The following CBFA2T3 variants were observed in gnomAD, a reference collection of about 807,000 sequenced individuals.
The protein encoded by CBFA2T3 is transcriptional corepressor CBFA2T3.
In CBFA2T3, 31 loss-of-function variants were observed where a neutral mutation model predicts 58.6. The ratio of observed to expected loss-of-function variants is 0.53; its 90% CI spans 0.40 to 0.71. CBFA2T3 has a LOEUF of 0.71. CBFA2T3 is among the 30% of genes least tolerant of loss of function. The probability of loss-of-function intolerance (pLI) is 0.00; values close to 1 mark genes in which losing one functional copy is unlikely to be tolerated. For synonymous variants in CBFA2T3, 531 were observed against 421.9 expected (o/e 1.26, Z -3.17); for missense variants, 1,076 against 963.1 (o/e 1.12, Z -1.55).
chr16:88,897,992 GC>G, intron 3 of CBFA2T3, 85 bp downstream of exon 3: 2 of 964,672 alleles, frequency 2.1e-6, no homozygotes, highest in Non-Finnish European at 3.4e-6. Flanking sequence ...AGAGCTGAGC[GC>G]CCCCAGGGCA....
At chr16:88,960,496 G>A (rs1018420612) in intron 1 of CBFA2T3, among the ~76,000 whole-genome samples, 3 of 152,220 alleles carry the variant, frequency 2.0e-5, no homozygotes, top group African/African-American at 7.2e-5. Flanking sequence ...ATTTGTCATG[G>A]GGCATAAACA....
intron 1 of CBFA2T3, among the ~76,000 whole-genome samples, chr16:88,922,590 A>C (rs1400852651): frequency 6.6e-6 from 1 of 152,194 alleles, no homozygotes; most frequent in Non-Finnish European, 1.5e-5. Flanking sequence ...ATCCCACGCC[A>C]GGGCTATGCT....
rs779923080 is a variant in CBFA2T3, at chr16:88,958,634, C to T, written c.151+18023G>A. ...GGGGCAGGTGGAGAAGCACAGTCGCCGCCCAGCAGCCCAGCACTACCTTTG... is the reference window on the plus strand; with the variant it reads ...GGGGCAGGTGGAGAAGCACAGTCGCTGCCCAGCAGCCCAGCACTACCTTTG... On this transcript the variant is annotated intron_variant, in intron 1 of 11. Coordinates refer to ENST00000268679, the MANE Select transcript of CBFA2T3 (RefSeq NM_005187.6). The surrounding 1 kb of genome is among the most constrained non-coding windows in gnomAD (Gnocchi z 4.0). 6.6e-6 allele frequency among the ~76,000 whole-genome samples: 1 copy of T among 152,074 alleles called. No homozygotes were observed. Among genetic ancestry groups the T allele is most frequent in the African/African-American group, 2.4e-5 (1 of 41,414 alleles).
intron 1 of CBFA2T3, among the ~76,000 whole-genome samples, chr16:88,912,891 C>A (rs373683408): frequency 6.6e-6 from 1 of 152,192 alleles, no homozygotes; most frequent in African/African-American, 2.4e-5. Flanking sequence ...ACACACCTCC[C>A]GGGGGTGCGT....
intron 8 of CBFA2T3, 94 bp downstream of exon 8, chr16:88,882,582 C>A: frequency 2.5e-6 from 1 of 401,798 alleles, no homozygotes; most frequent in Non-Finnish European, 3.9e-6. Flanking sequence ...GTGGGCGTGG[C>A]TGTGTGTGCA....
chr16:88,961,087 G>A (rs529217589), intron 1 of CBFA2T3, among the ~76,000 whole-genome samples: 55 of 152,218 alleles, frequency 3.6e-4, no homozygotes, highest in Non-Finnish European at 6.8e-4. Context: ...GGCAGGTGGT[G>A]GATGGGGCTC....
At chr16:88,894,568 G>GCA (rs1232676646) in intron 3 of CBFA2T3, among the ~76,000 whole-genome samples, 1 of 145,410 alleles carries the variant, frequency 6.9e-6, no homozygotes. Flanking sequence ...ACACACACAT[G>GCA]CACACACACA....
intron 2 of CBFA2T3, among the ~76,000 whole-genome samples, chr16:88,900,596 G>A (rs961412436): frequency 1.3e-5 from 2 of 152,198 alleles, no homozygotes; most frequent in Admixed American, 6.5e-5. Flanking sequence ...CTTCGTTTGA[G>A]TTTCAGAGCC....
At chr16:88,890,394 G>A (rs534626697) in intron 5 of CBFA2T3, among the ~76,000 whole-genome samples, 153 of 152,332 alleles carry the variant, frequency 1.0e-3, no homozygotes, top group African/African-American at 3.5e-3. Context: ...CTGGACCCCC[G>A]AGGGGAGGCC....
chr16:88,904,050 G>A (rs1305533297), intron 1 of CBFA2T3, among the ~76,000 whole-genome samples: 2 of 152,232 alleles, frequency 1.3e-5, no homozygotes, highest in Non-Finnish European at 2.9e-5. Flanking sequence ...GTCATGCCAC[G>A]GCGCAAGGAG....
chr16:88,881,253 C>T, intron 9 of CBFA2T3, 38 bp downstream of exon 9: 2 of 1,550,342 alleles, frequency 1.3e-6, no homozygotes, highest in South Asian at 1.1e-5. Context: ...CACCAGAGCA[C>T]CCCGTGTCTG....
intron 5 of CBFA2T3, among the ~76,000 whole-genome samples, chr16:88,888,809 G>C (rs371007386): frequency 6.6e-6 from 1 of 151,918 alleles, no homozygotes. Context: ...GGCCCCGGGT[G>C]GGGGCACGAG....
intron 1 of CBFA2T3, among the ~76,000 whole-genome samples, chr16:88,912,770 C>T (rs573196989): frequency 2.1e-4 from 32 of 152,350 alleles, no homozygotes; most frequent in African/African-American, 6.0e-4. Context: ...GCAGGTTCAA[C>T]GGGGCGGCTC....
intron 5 of CBFA2T3, among the ~76,000 whole-genome samples, chr16:88,887,478 G>A (rs9928392): frequency 0.039 from 5,992 of 152,220 alleles, 407 homozygotes; most frequent in African/African-American, 0.14. Flanking sequence ...TGGGAGCCGG[G>A]GCGGTGGGTG....
rs914186393 is a variant in CBFA2T3 at position 88,958,025 on chromosome 16, C to A, written c.151+18632G>T. Among the ~76,000 whole-genome samples, 2 of 152,214 alleles carry A rather than the reference C, an allele frequency of 1.3e-5. No individual in the cohort carries two copies. Among genetic ancestry groups the A allele is most frequent in the African/African-American group, 4.8e-5 (2 of 41,442 alleles). On this transcript the variant is annotated intron_variant, in intron 1 of 11. Coordinates refer to ENST00000268679, the MANE Select transcript of CBFA2T3 (RefSeq NM_005187.6). The surrounding 1 kb of genome is among the most constrained non-coding windows in gnomAD (Gnocchi z 4.0). ...TACCTCAACAAGGCTGCTGGAAAAC[C>A]ACAGTAGACCCGGAACGAAAGTACC...
intron 1 of CBFA2T3, among the ~76,000 whole-genome samples, chr16:88,971,453 C>T (rs1972653691): frequency 6.6e-6 from 1 of 152,208 alleles, no homozygotes; most frequent in Non-Finnish European, 1.5e-5. Flanking sequence ...TCTCTGCCCA[C>T]CTGAGAGAGC....
chr16:88,951,032 G>A, intron 1 of CBFA2T3: 1 of 406,560 alleles, frequency 2.5e-6, no homozygotes. Flanking sequence ...CACCGGCACA[G>A]AGGGTCAGAG....
chr16:88,963,339 T>C (rs1597794911), intron 1 of CBFA2T3, among the ~76,000 whole-genome samples: 3 of 56,768 alleles, frequency 5.3e-5, no homozygotes, highest in African/African-American at 2.0e-4. Flanking sequence ...TCTGCCAGGC[T>C]TTTTTTTTTT....
At chr16:88,939,207 G>A (rs766936772) in intron 1 of CBFA2T3, 1 of 152,254 alleles carries the variant, frequency 6.6e-6, no homozygotes, top group Non-Finnish European at 1.5e-5. Context: ...GGGCTCGGGC[G>A]GCTGGTGTGT....
Sources: gnomAD v4.1 joint callset for allele counts (sites outside exome capture counted in the v4.1 genomes callset) on GRCh38, gnomAD v4.1.1 for gene constraint, Gnocchi (gnomAD v3.1) non-coding constraint, MANE v1.5 for transcripts, NCBI Gene and HGNC (gene_info 2026-07-23, HGNC 2026-07-21) for gene names.